The following TLE7 variants were observed in gnomAD, a reference collection of about 807,000 sequenced individuals.
TLE7 encodes TLE family member 7.
In TLE7 at chr16:71,432,125, G is replaced by T. The variant is rs1056232344; in HGVS notation, c.594C>A (p.Ala198=). ...TCTCCCTCACCTGCAAGTCCAGCTGGGCCCGAGGGGCCTTCTCCCCCGCAT... is the reference window on the plus strand; with the variant it reads ...TCTCCCTCACCTGCAAGTCCAGCTGTGCCCGAGGGGCCTTCTCCCCCGCAT... ...ALHAGEKAPR[A]QLDLQHPQDR... is the part of the protein sequence containing the mutation. The change falls in exon 5 of 10, where the codon GCC becomes GCA. Residue 198 remains alanine (A), a synonymous_variant. Coordinates refer to ENST00000561754, the MANE Select transcript of TLE7 (RefSeq NM_001367365.2). 1.0e-4 allele frequency: 40 copies of T among 400,940 alleles called. No individual in the cohort carries two copies. The highest frequency in any genetic ancestry group is 4.9e-4 in the African/African-American group (24 of 48,710). The allele number at this position is 400,940 out of a possible 1,614,324, so 24.8% of individuals were successfully genotyped here. A position where few individuals can be genotyped will look rare whatever the true frequency, so the allele number is the denominator to read the frequency against.
chr16:71,431,191 A>T lies in TLE7; in HGVS notation c.1077T>A (p.Arg359=). 2.5e-6 allele frequency: 1 copy of T among 400,610 alleles called. No individual in the cohort carries two copies. The highest frequency in any genetic ancestry group is 3.6e-5 in the East Asian group (1 of 28,062). The allele number at this position is 400,610 out of a possible 1,614,324, so 24.8% of individuals were successfully genotyped here. The change falls in exon 8 of 10, where the codon CGT becomes CGA. Residue 359 remains arginine (R), a synonymous_variant. Coordinates refer to ENST00000561754, the MANE Select transcript of TLE7 (RefSeq NM_001367365.2). This position sits in a 1 kb window ranked among gnomAD's most constrained non-coding sequence, Gnocchi z 4.5. ...RTSDIVFLHT[R]RNEQFKALMK... ...TGAGAGCCTTAAACTGCTCATTCCG[A>T]CGAGTGTGAAGGAACACGATATCAC... is the stretch of plus-strand genomic sequence containing the variant.
rs1200080925 is a variant in TLE7, at chr16:71,432,226, C to T, written c.493G>A (p.Ala165Thr). ...ACGTGGTGGGTTGAGCCGCTGATGG[C>T]CACAGCGTAGACTCTCTTTCCATGG... ...LFHGKRVYAV[A>T]ISGSTHHVYT... The change falls in exon 5 of 10, where the codon GCC becomes ACC. Residue 165 changes from alanine to threonine, a missense_variant. Physicochemically the swap from Ala to Thr is moderately conservative, Grantham distance 58 (BLOSUM62 0). Transcript: ENST00000561754. The T allele has an allele frequency of 5.0e-6, 2 of 400,758 alleles. No homozygotes were observed. Among genetic ancestry groups the T allele is most frequent in the African/African-American group, 4.1e-5 (2 of 48,720 alleles). 24.8% of individuals were successfully genotyped at this position (400,758 alleles called of 1,614,324 possible).
At chr16:71,434,082 G>T (rs532996411) in intron 1 of TLE7, among the ~76,000 whole-genome samples, 8 of 152,356 alleles carry the variant, frequency 5.3e-5, no homozygotes, top group African/African-American at 1.7e-4. Context: ...ACCTAGAGGG[G>T]TTGGAGGAAA....
chr16:71,439,343 G>C (rs960207995), intron 1 of TLE7, among the ~76,000 whole-genome samples: 2 of 152,138 alleles, frequency 1.3e-5, no homozygotes, highest in South Asian at 4.1e-4. Context: ...GAATGTTCCA[G>C]ACAGACAGAA....
intron 9 of TLE7, 37 bp from the exon 10 acceptor site, chr16:71,430,403 T>G (rs1200299306): frequency 2.5e-6 from 1 of 398,690 alleles, no homozygotes; most frequent in Non-Finnish European, 4.4e-6. Context: ...GGATCACATT[T>G]GGGGCCAGAC....
In TLE7 at chr16:71,431,264, A is replaced by G; in HGVS notation, c.1004T>C (p.Ile335Thr). The change falls in exon 8 of 10, where the codon ATT (isoleucine) becomes ACT (threonine). Residue 335 changes from isoleucine (I) to threonine (T), a missense_variant. Coordinates refer to ENST00000561754, the MANE Select transcript of TLE7 (RefSeq NM_001367365.2). The surrounding 1 kb of genome is among the most constrained non-coding windows in gnomAD (Gnocchi z 4.5). The stretch of plus-strand genomic sequence containing the variant: ...CCATTCTTCACCGGGGTCGTGGGTA[A>G]TGCTGAGGATCTGTTCGTGGAAGCA... ...QHNLQNEILS[I>T]THDPGEEWVL... is the part of the protein sequence containing the mutation. 2.5e-6 allele frequency: 1 copy of G among 399,964 alleles called. No individual in the cohort carries two copies. Among genetic ancestry groups the G allele is most frequent in the Non-Finnish European group, 4.4e-6 (1 of 226,252 alleles). 24.8% of individuals were successfully genotyped at this position (399,964 alleles called of 1,614,324 possible).
At chr16:71,441,442 G>A (rs1460731609) in intron 1 of TLE7, among the ~76,000 whole-genome samples, 4 of 152,220 alleles carry the variant, frequency 2.6e-5, no homozygotes, top group African/African-American at 9.6e-5. Context: ...CGCGGCGTGC[G>A]CGGCCGGGCT....
chr16:71,436,511 T>C (rs12708913), intron 1 of TLE7, among the ~76,000 whole-genome samples: 111,807 of 152,140 alleles, frequency 0.73, 42,605 homozygotes, highest in African/African-American at 0.93. Flanking sequence ...ATTTTCATGG[T>C]AGGAGTTAAG....
At position 71,441,022 on chromosome 16, in the gene TLE7, GCGT is replaced by G. The variant is rs1276079331; in HGVS notation, c.-97+944_-97+946del. ...GTACATTGCTCTTCCCACCCACCTC[GCGT>G]CCCGTCCCTGCCATGGGAAGTTTGC... On this transcript the variant is annotated intron_variant, in intron 1 of 9. Transcript: ENST00000561754. Among the ~76,000 whole-genome samples the G allele has an allele frequency of 1.1e-4, 17 of 152,184 alleles. No homozygotes were observed. In the East Asian group the frequency reaches 3.3e-3, roughly 29 times the overall value.
intron 1 of TLE7, among the ~76,000 whole-genome samples, chr16:71,436,250 C>G (rs371645434): frequency 6.6e-6 from 1 of 152,166 alleles, no homozygotes; most frequent in African/African-American, 2.4e-5. Context: ...CCTCTCCCAG[C>G]CCCAGACCCT....
At chr16:71,432,793 C>T (rs910890840) in intron 3 of TLE7, 70 bp from the exon 4 acceptor site, 7 of 398,942 alleles carry the variant, frequency 1.8e-5, no homozygotes, top group African/African-American at 1.4e-4. Flanking sequence ...GCTCTGTTGA[C>T]ACCAGGCCCC....
Position 71,431,306 on chromosome 16 carries a change from T to C in TLE7, c.994-32A>G. ...GTGGAAGCAGGTTTGAGGTCAGCAC[T>C]CAAAGTTGCCAACGCCATCCTTTGT... On this transcript the variant is annotated intron_variant, in intron 7 of 9. Coordinates refer to ENST00000561754, the MANE Select transcript of TLE7 (RefSeq NM_001367365.2). The surrounding 1 kb of genome is among the most constrained non-coding windows in gnomAD (Gnocchi z 4.5). 1 of 399,242 alleles carries C rather than the reference T, an allele frequency of 2.5e-6. No individual in the cohort carries two copies. The highest frequency in any genetic ancestry group is 4.4e-6 in the Non-Finnish European group (1 of 226,254). The allele number at this position is 399,242 out of a possible 1,614,324, so 24.7% of individuals were successfully genotyped here.
intron 1 of TLE7, among the ~76,000 whole-genome samples, chr16:71,437,403 A>G (rs1444817568): frequency 6.6e-6 from 1 of 151,344 alleles, no homozygotes; most frequent in Non-Finnish European, 1.5e-5. Flanking sequence ...GAGAGAGAAG[A>G]GAAGAAAAGA....
Position 71,433,370 on chromosome 16 carries a change from G to A in TLE7, c.-46C>T. ...TCTGGACCACCCGGTTCTAGGACTT[G>A]ACAAATAGACCCGCCAAACAGACAC... is the stretch of plus-strand genomic sequence containing the variant. On this transcript the variant is annotated 5_prime_UTR_variant, in exon 2 of 10. Transcript: ENST00000561754. 1 of 398,524 alleles carries A rather than the reference G, an allele frequency of 2.5e-6. No homozygotes were observed. Among genetic ancestry groups the A allele is most frequent in the Non-Finnish European group, 4.4e-6 (1 of 226,090 alleles). The allele number at this position is 398,524 out of a possible 1,614,324, so 24.7% of individuals were successfully genotyped here.
rs1413132007 is a variant in TLE7, at chr16:71,433,070, G to A, written c.255C>T (p.Leu85=). 2 of 398,590 alleles carry A rather than the reference G, an allele frequency of 5.0e-6. No homozygotes were observed. Among genetic ancestry groups the A allele is most frequent in the Non-Finnish European group, 8.8e-6 (2 of 226,178 alleles). 24.7% of individuals were successfully genotyped at this position (398,590 alleles called of 1,614,324 possible). A position where few individuals can be genotyped will look rare whatever the true frequency, so the allele number is the denominator to read the frequency against. ...GTGCATCAGGGAGCCCAGCGGCCTG[G>A]AGCTCAGATCTACCCAGGCCCTGGA... is the stretch of plus-strand genomic sequence containing the variant. The part of the protein sequence containing the change: ...WHLQGLGRSE[L]QAAGLPDAQP... Residue 85 remains leucine (L), a synonymous_variant, in exon 2 of 10, where the codon CTC becomes CTT. Coordinates refer to ENST00000561754, the MANE Select transcript of TLE7 (RefSeq NM_001367365.2).
chr16:71,438,620 T>G (rs1253499882), intron 1 of TLE7, among the ~76,000 whole-genome samples: 2 of 136,672 alleles, frequency 1.5e-5, no homozygotes, highest in Non-Finnish European at 3.0e-5. Context: ...AGACAGAGGT[T>G]GCCGTGAGCC....
intron 8 of TLE7, 73 bp from the exon 9 acceptor site, chr16:71,430,814 G>C (rs906344523): frequency 5.0e-6 from 2 of 397,730 alleles, no homozygotes; most frequent in Non-Finnish European, 8.9e-6. Flanking sequence ...TCCCCAACCA[G>C]ACTAAGGGCA....
chr16:71,434,391 G>A (rs2145044126), intron 1 of TLE7, among the ~76,000 whole-genome samples: 1 of 152,292 alleles, frequency 6.6e-6, no homozygotes, highest in East Asian at 1.9e-4. Flanking sequence ...AGGCCCTGGA[G>A]AGACCCAGGG....
rs549800072 is a variant in TLE7 at position 71,440,723 on chromosome 16, T to C, written c.-97+1246A>G. On this transcript the variant is annotated intron_variant, in intron 1 of 9. Transcript: ENST00000561754. ...GAGGCTATGGGTAGCTGTCGTCAAA[T>C]GGCTGGTGGGACCCCAACACCTAGT... Among the ~76,000 whole-genome samples, 8 of 152,300 alleles carry C rather than the reference T, an allele frequency of 5.3e-5. No homozygotes were observed. The East Asian group carries it at 1.4e-3, about 26-fold the overall frequency.
Sources: allele counts gnomAD v4.1 joint callset (sites outside exome capture counted in the v4.1 genomes callset), GRCh38; gene constraint gnomAD v4.1.1; non-coding constraint Gnocchi (gnomAD v3.1); transcripts MANE v1.5; gene names NCBI Gene and HGNC (gene_info 2026-07-23, HGNC 2026-07-21).